Variants in NSMCE2 observed in about 807,000 individuals in gnomAD.
NSMCE2 encodes the protein E3 SUMO-protein ligase NSE2.
NSMCE2 carries 24 observed loss-of-function variants against 23.8 expected under a neutral mutation model. The ratio of observed to expected loss-of-function variants is 1.01; its 90% CI spans 0.73 to 1.42. The LOEUF is 1.42. NSMCE2 is among the 40% of genes most tolerant of loss of function. The pLI, the probability that NSMCE2 is intolerant of heterozygous loss-of-function variation, is 0.00. For synonymous variants in NSMCE2, 92 were observed against 94.1 expected (o/e 0.98, Z 0.13); for missense variants, 284 against 296.5 (o/e 0.96, Z 0.31).
At chr8:125,143,096 A>ATG (rs1248331995) in intron 3 of NSMCE2, among the ~76,000 whole-genome samples, 4 of 144,276 alleles carry the variant, frequency 2.8e-5, no homozygotes, top group African/African-American at 8.0e-5. Flanking sequence ...GTGTGGGTGC[A>ATG]CGCACACACA....
At chr8:125,350,953 G>A (rs1049416555) in intron 5 of NSMCE2, among the ~76,000 whole-genome samples, 3 of 152,212 alleles carry the variant, frequency 2.0e-5, no homozygotes, top group African/African-American at 7.2e-5. Flanking sequence ...CTGAGCAGGC[G>A]GCAGTAGTGG....
chr8:125,114,900 C>T (rs1414743486), intron 3 of NSMCE2, among the ~76,000 whole-genome samples: 1 of 152,088 alleles, frequency 6.6e-6, no homozygotes. Flanking sequence ...ATACTTGGAC[C>T]TTTATTGCTC....
intron 5 of NSMCE2, among the ~76,000 whole-genome samples, chr8:125,324,131 C>A (rs1026980594): frequency 1.3e-5 from 2 of 152,162 alleles, no homozygotes; most frequent in South Asian, 2.1e-4. Context: ...TGAAATACCA[C>A]TACACACCTA....
chr8:125,164,331 A>G, intron 4 of NSMCE2, among the ~76,000 whole-genome samples: 1 of 152,218 alleles, frequency 6.6e-6, no homozygotes, highest in Non-Finnish European at 1.5e-5. Flanking sequence ...GTGTTTTGAC[A>G]TGTAATTCAA....
intron 5 of NSMCE2, among the ~76,000 whole-genome samples, chr8:125,284,409 G>T (rs1188947480): frequency 6.6e-6 from 1 of 152,122 alleles, no homozygotes; most frequent in Non-Finnish European, 1.5e-5. Flanking sequence ...TCACATGGGG[G>T]TTTGAGACTG....
chr8:125,340,967 C>T (rs1830224093), intron 5 of NSMCE2, among the ~76,000 whole-genome samples: 1 of 152,186 alleles, frequency 6.6e-6, no homozygotes, highest in Non-Finnish European at 1.5e-5. Context: ...TAGCCTGCCT[C>T]CTTTATTTGC....
chr8:125,313,299 CA>C (rs1357055384), intron 5 of NSMCE2, among the ~76,000 whole-genome samples: 1 of 151,992 alleles, frequency 6.6e-6, no homozygotes, highest in Non-Finnish European at 1.5e-5. Context: ...ATAGCTAGAG[CA>C]CAGGGGGAGA....
chr8:125,307,028 G>A (rs945502327), intron 5 of NSMCE2, among the ~76,000 whole-genome samples: 1 of 152,206 alleles, frequency 6.6e-6, no homozygotes, highest in African/African-American at 2.4e-5. Flanking sequence ...ATAAAACAGT[G>A]TGTTAAAATG....
chr8:125,339,965 T>C (rs566647033), intron 5 of NSMCE2, among the ~76,000 whole-genome samples: 2 of 151,818 alleles, frequency 1.3e-5, no homozygotes, highest in Admixed American at 1.3e-4. Context: ...TAAATTTTGC[T>C]CCTGATCCTG....
chr8:125,248,846 C>G (rs1338036707), intron 5 of NSMCE2, among the ~76,000 whole-genome samples: 2 of 152,194 alleles, frequency 1.3e-5, no homozygotes, highest in Middle Eastern at 3.2e-3. Context: ...ATCATAGTAG[C>G]TTGCCCTAGG....
chr8:125,298,687 G>GTTTTTTGTTTTTTTTTTTTTTTTT (rs1828425895), intron 5 of NSMCE2, among the ~76,000 whole-genome samples: 1 of 85,954 alleles, frequency 1.2e-5, no homozygotes, highest in African/African-American at 5.2e-5. Context: ...TCATCTGTGG[G>GTTTTTTGTTTTTTTTTTTTTTTTT]TTTTTTTTTG....
chr8:125,158,660 T>C (rs1821446305), intron 4 of NSMCE2, among the ~76,000 whole-genome samples: 2 of 152,244 alleles, frequency 1.3e-5, no homozygotes. Context: ...TCTGACATTG[T>C]AGATAGTCCA....
At chr8:125,333,530 TTTG>T (rs1829959571) in intron 5 of NSMCE2, among the ~76,000 whole-genome samples, 1 of 130,918 alleles carries the variant, frequency 7.6e-6, no homozygotes, top group African/African-American at 3.0e-5. Flanking sequence ...TTTTTTTTTT[TTTG>T]AGACGGAGTC....
chr8:125,347,206 G>A (rs1220646501), intron 5 of NSMCE2, among the ~76,000 whole-genome samples: 1 of 152,176 alleles, frequency 6.6e-6, no homozygotes, highest in African/African-American at 2.4e-5. Context: ...AAAGAAAGAT[G>A]GAGTAATTTG....
intron 5 of NSMCE2, among the ~76,000 whole-genome samples, chr8:125,210,164 A>G (rs1203163021): frequency 6.6e-6 from 1 of 152,212 alleles, no homozygotes; most frequent in Non-Finnish European, 1.5e-5. Flanking sequence ...TTAAAATGAC[A>G]TAATAATAGT....
chr8:125,297,069 A>C (rs1190146371), intron 5 of NSMCE2, among the ~76,000 whole-genome samples: 2 of 152,208 alleles, frequency 1.3e-5, no homozygotes, highest in Admixed American at 6.5e-5. Context: ...CAATCACTTC[A>C]CTGGGCCATT....
chr8:125,161,319 A>C (rs960690680), intron 4 of NSMCE2, among the ~76,000 whole-genome samples: 1 of 152,170 alleles, frequency 6.6e-6, no homozygotes, highest in African/African-American at 2.4e-5. Context: ...AAAGTCTAAT[A>C]ATACAGCACT....
intron 5 of NSMCE2, among the ~76,000 whole-genome samples, chr8:125,301,218 GC>G (rs1025958968): frequency 9.9e-5 from 15 of 152,178 alleles, no homozygotes; most frequent in African/African-American, 3.6e-4. Flanking sequence ...GGGAAAGGGG[GC>G]CTGAGGAAAA....
rs1245976185 is a variant in NSMCE2 at position 125,182,187 on chromosome 8, G to C, written c.349G>C (p.Asp117His). The change falls in exon 5 of 8, where the codon GAT (aspartate) becomes CAT (histidine). Residue 117 changes from aspartate (D) to histidine (H), a missense_variant. Transcript: ENST00000287437. ...KFLALQSKNS[D>H]ADFQNNEKFV... is the part of the protein sequence containing the mutation. The stretch of plus-strand genomic sequence containing the variant: ...TTTGGCTTTACAGAGCAAGAATTCT[G>C]ATGCAGACTTTCAAAATAATGAAAA... 3 of 1,606,334 alleles carry C rather than the reference G, an allele frequency of 1.9e-6. No individual in the cohort carries two copies. Among genetic ancestry groups the C allele is most frequent in the African/African-American group, 2.7e-5 (2 of 74,706 alleles).
Sources: allele counts gnomAD v4.1 joint callset (sites outside exome capture counted in the v4.1 genomes callset), GRCh38; gene constraint gnomAD v4.1.1; transcripts MANE v1.5; gene names NCBI Gene and HGNC (gene_info 2026-07-23, HGNC 2026-07-21).